The following ESRRG variants were observed in gnomAD, a reference collection of about 807,000 sequenced individuals.
ESRRG encodes the protein estrogen-related receptor gamma.
ESRRG carries 13 observed loss-of-function variants against 44.0 expected under a neutral mutation model. That is an observed-to-expected ratio of 0.30 (90% CI 0.19 to 0.47). The LOEUF (loss-of-function observed/expected upper bound fraction) is 0.47, where lower values mean the gene tolerates loss of function less well. ESRRG is among the 20% of genes least tolerant of loss of function. The pLI is 1.00. For missense variants in ESRRG, 395 were observed against 580.6 expected, an observed-to-expected ratio of 0.68 and a Z score of 3.29; for synonymous variants, 215 against 214.6, an observed-to-expected ratio of 1.00 and a Z score of -0.02.
intron 1 of ESRRG, among the ~76,000 whole-genome samples, chr1:217,075,123 T>C (rs1435969795): frequency 6.6e-6 from 1 of 152,180 alleles, no homozygotes; most frequent in African/African-American, 2.4e-5. Flanking sequence ...ACTGTAGTTT[T>C]GATCGGTGTT....
intron 2 of ESRRG, among the ~76,000 whole-genome samples, chr1:216,837,518 G>A (rs757650757): frequency 2.6e-5 from 4 of 152,134 alleles, no homozygotes; most frequent in Admixed American, 6.6e-5. Context: ...GTGACTATGG[G>A]GAAGACGGGA....
At chr1:216,702,982 T>A (rs1207953876) in intron 1 of ESRRG, among the ~76,000 whole-genome samples, 2 of 152,032 alleles carry the variant, frequency 1.3e-5, no homozygotes, top group African/African-American at 2.4e-5. Flanking sequence ...TTTAAAAAAA[T>A]AATAATAAAT....
rs77793111 is a variant in ESRRG, at chr1:216,939,832, G to A, written c.-105-159C>T. On this transcript the variant is annotated intron_variant, in intron 1 of 7. Transcript: ENST00000359162. The stretch of plus-strand genomic sequence containing the variant: ...TATGACTTAGTATGCTCTGCCTTTA[G>A]CAAGTCTTTGATTTTCCTACACATA... Among the ~76,000 whole-genome samples the A allele has an allele frequency of 5.7e-4, 86 of 152,044 alleles. 1 individual carries two copies. The East Asian group carries it at 0.015, about 26-fold the overall frequency.
At chr1:217,026,492 G>A (rs953539804) in intron 1 of ESRRG, among the ~76,000 whole-genome samples, 1 of 152,160 alleles carries the variant, frequency 6.6e-6, no homozygotes, top group African/African-American at 2.4e-5. Flanking sequence ...ATGGGTTCGA[G>A]GCAGGTGAGG....
At chr1:217,055,123 T>A (rs1310206999) in intron 1 of ESRRG, among the ~76,000 whole-genome samples, 4 of 152,138 alleles carry the variant, frequency 2.6e-5, no homozygotes, top group Non-Finnish European at 4.4e-5. Context: ...AAAACACAAA[T>A]CTAATTATGT....
rs568182311 is a variant in ESRRG, at chr1:216,946,005, G to A, written c.-105-6332C>T. Among the ~76,000 whole-genome samples the A allele has an allele frequency of 4.6e-5, 7 of 152,258 alleles. No individual in the cohort carries two copies. The East Asian group carries it at 1.4e-3, about 29-fold the overall frequency. On this transcript the variant is annotated intron_variant, in intron 1 of 7. Coordinates refer to the ESRRG transcript ENST00000359162. The stretch of plus-strand genomic sequence containing the variant: ...TTCACCATCATAAGGAAATATGGGA[G>A]GAGGAGAGCTGCTCCCTGGAACAGC...
At chr1:216,749,507 G>A (rs2091796602) in intron 2 of ESRRG, among the ~76,000 whole-genome samples, 1 of 152,158 alleles carries the variant, frequency 6.6e-6, no homozygotes, top group Non-Finnish European at 1.5e-5. Flanking sequence ...GGAGCGCCCT[G>A]CTAGATTCCC....
At chr1:217,007,873 G>A (rs2077981644) in intron 1 of ESRRG, among the ~76,000 whole-genome samples, 1 of 152,164 alleles carries the variant, frequency 6.6e-6, no homozygotes, top group Non-Finnish European at 1.5e-5. Context: ...TTATGGAATT[G>A]AGGTGGAAGC....
chr1:216,781,267 T>G (rs1179424943), intron 2 of ESRRG, among the ~76,000 whole-genome samples: 1 of 151,518 alleles, frequency 6.6e-6, no homozygotes, highest in Non-Finnish European at 1.5e-5. Flanking sequence ...AATGCATCCC[T>G]GAACAACCAA....
At chr1:216,586,085 TA>T (rs1244227812) in intron 3 of ESRRG, among the ~76,000 whole-genome samples, 13 of 152,086 alleles carry the variant, frequency 8.5e-5, no homozygotes, top group African/African-American at 3.1e-4. Flanking sequence ...AAAGTCTTAG[TA>T]AAAACAATAT....
At chr1:216,935,959 G>A (rs1282610885) in intron 2 of ESRRG, among the ~76,000 whole-genome samples, 3 of 151,918 alleles carry the variant, frequency 2.0e-5, no homozygotes, top group Admixed American at 6.6e-5. Context: ...AGGCATGGTC[G>A]ATTATTAACT....
chr1:216,556,225 A>C (rs950936937), intron 5 of ESRRG, among the ~76,000 whole-genome samples: 1 of 151,186 alleles, frequency 6.6e-6, no homozygotes, highest in African/African-American at 2.5e-5. Context: ...GAAGAGTGCC[A>C]GAAAAAAAAA....
At chr1:216,888,677 C>T (rs1212303475) in intron 2 of ESRRG, among the ~76,000 whole-genome samples, 1 of 152,102 alleles carries the variant, frequency 6.6e-6, no homozygotes, top group East Asian at 1.9e-4. Flanking sequence ...GTTCCTAGCA[C>T]CCACCTTAAC....
At chr1:216,542,477 G>A (rs1211431958) in intron 5 of ESRRG, among the ~76,000 whole-genome samples, 1 of 151,886 alleles carries the variant, frequency 6.6e-6, no homozygotes, top group East Asian at 1.9e-4. Flanking sequence ...ACATATCCCT[G>A]GAATTTCCTA....
chr1:216,599,302 G>C (rs2058869350), intron 3 of ESRRG, among the ~76,000 whole-genome samples: 1 of 152,134 alleles, frequency 6.6e-6, no homozygotes, highest in African/African-American at 2.4e-5. Context: ...GAAAGTATAT[G>C]TCCTAACATC....
intron 1 of ESRRG, among the ~76,000 whole-genome samples, chr1:217,035,621 G>A (rs2082752033): frequency 6.6e-6 from 1 of 150,618 alleles, no homozygotes; most frequent in Admixed American, 6.6e-5. Context: ...TTAATAGGAT[G>A]TTTTGGTTTA....
intron 1 of ESRRG, among the ~76,000 whole-genome samples, chr1:217,013,123 A>C (rs562402892): frequency 6.6e-6 from 1 of 152,302 alleles, no homozygotes; most frequent in South Asian, 2.1e-4. Context: ...GAACTTGATT[A>C]CCTCTGGAAA....
intron 2 of ESRRG, among the ~76,000 whole-genome samples, chr1:216,824,561 G>C (rs2148659643): frequency 6.6e-6 from 1 of 151,988 alleles, no homozygotes; most frequent in South Asian, 2.1e-4. Flanking sequence ...AGATCCTGCA[G>C]GGAATAGCTT....
intron 3 of ESRRG, among the ~76,000 whole-genome samples, chr1:216,617,492 C>T (rs2061573484): frequency 7.3e-6 from 1 of 136,248 alleles, no homozygotes; most frequent in Admixed American, 7.4e-5. Context: ...CTAATTGCTG[C>T]TTGGCCTTTA....
Sources: gnomAD v4.1 joint callset for allele counts (sites outside exome capture counted in the v4.1 genomes callset) on GRCh38, gnomAD v4.1.1 for gene constraint, MANE v1.5 for transcripts, NCBI Gene and HGNC (gene_info 2026-07-23, HGNC 2026-07-21) for gene names.